The following CYP2S1 variants were observed in gnomAD, a reference collection of about 807,000 sequenced individuals.
CYP2S1 encodes cytochrome P450 2S1.
Under a neutral mutation model 43.5 loss-of-function variants are expected in CYP2S1, and 32 were observed. The ratio of observed to expected loss-of-function variants is 0.74; its 90% CI spans 0.56 to 0.99. The LOEUF (loss-of-function observed/expected upper bound fraction) is 0.99, where lower values mean the gene tolerates loss of function less well. Among genes scored for constraint, CYP2S1 ranks in the 50% least tolerant of loss-of-function variants. The probability of loss-of-function intolerance (pLI) is 0.00; values close to 1 mark genes in which losing one functional copy is unlikely to be tolerated. For synonymous variants in CYP2S1, 283 were observed against 302.9 expected (o/e 0.93, Z 0.68); for missense variants, 575 against 673.9 (o/e 0.85, Z 1.62).
intron 6 of CYP2S1, among the ~76,000 whole-genome samples, chr19:41,202,208 G>A (rs752051758): frequency 5.9e-5 from 9 of 152,030 alleles, no homozygotes; most frequent in Admixed American, 2.6e-4. Context: ...GGCTGGTCCC[G>A]AACTCCTGAC....
intron 1 of CYP2S1, chr19:41,193,773 C>G (rs1203217783): frequency 1.6e-5 from 4 of 251,462 alleles, no homozygotes; most frequent in Non-Finnish European, 2.9e-5. Flanking sequence ...GCTGATGCAG[C>G]TGGGCTTGTC....
chr19:41,198,049 TA>T lies in CYP2S1; in HGVS notation c.493+122del. On this transcript the variant is annotated intron_variant, in intron 3 of 8. Coordinates refer to ENST00000310054, the MANE Select transcript of CYP2S1 (RefSeq NM_030622.8). The surrounding 1 kb of genome is among the most constrained non-coding windows in gnomAD (Gnocchi z 4.9). ...GGGCAGGAGGGGAAGCCTTGAACTCTAGGGCTGGCCTGGGGGTTCTGTTCAC... is the reference window on the plus strand; with the variant it reads ...GGGCAGGAGGGGAAGCCTTGAACTCTGGGCTGGCCTGGGGGTTCTGTTCAC... 2.2e-6 allele frequency: 3 copies of T among 1,385,432 alleles called. No homozygotes were observed. Among genetic ancestry groups the T allele is most frequent in the Non-Finnish European group, 2.9e-6 (3 of 1,046,882 alleles). The allele number at this position is 1,385,432 out of a possible 1,614,324, so 85.8% of individuals were successfully genotyped here.
intron 5 of CYP2S1, among the ~76,000 whole-genome samples, chr19:41,200,566 G>A (rs1410903322): frequency 6.6e-6 from 1 of 152,090 alleles, no homozygotes; most frequent in Admixed American, 6.6e-5. Flanking sequence ...TAGAGATGGA[G>A]TTTCATCGTG....
Position 41,198,983 on chromosome 19 carries a change from C to G in CYP2S1, c.834+95C>G. Reference sequence around the variant, plus strand: ...CCCTGGGGACCTCAATTGGGTTCCTCTCTCTTTCTCTCTCTGCATGTCTCT... The same window carrying G: ...CCCTGGGGACCTCAATTGGGTTCCTGTCTCTTTCTCTCTCTGCATGTCTCT... On this transcript the variant is annotated intron_variant, in intron 5 of 8. Coordinates refer to ENST00000310054, the MANE Select transcript of CYP2S1 (RefSeq NM_030622.8). The surrounding 1 kb of genome is among the most constrained non-coding windows in gnomAD (Gnocchi z 4.9). 7.3e-7 allele frequency: 1 copy of G among 1,368,810 alleles called. No homozygotes were observed. The highest frequency in any genetic ancestry group is 9.8e-7 in the Non-Finnish European group (1 of 1,022,082). The allele number at this position is 1,368,810 out of a possible 1,614,324, so 84.8% of individuals were successfully genotyped here.
At chr19:41,193,509 G>A in intron 1 of CYP2S1, 68 bp downstream of exon 1, 1 of 1,387,234 alleles carries the variant, frequency 7.2e-7, no homozygotes, top group Non-Finnish European at 9.4e-7. Flanking sequence ...CGAGTGCCAG[G>A]GTGAGGGGCT....
chr19:41,203,325 G>A lies in CYP2S1; in HGVS notation c.977-125G>A, dbSNP rs1345217106. The A allele has an allele frequency of 3.9e-6, 4 of 1,036,622 alleles. No individual in the cohort carries two copies. In the African/African-American group the frequency reaches 5.0e-5, roughly 13 times the overall value. 64.2% of individuals were successfully genotyped at this position (1,036,622 alleles called of 1,614,324 possible). ...GTGGTCTTTGGGCTCAGTGAGGGCT[G>A]GGGGACCACTCCTCCCCACCTGTCA... On this transcript the variant is annotated intron_variant, in intron 6 of 8. Coordinates refer to ENST00000310054, the MANE Select transcript of CYP2S1 (RefSeq NM_030622.8).
Position 41,194,098 on chromosome 19 carries a change from G to A in CYP2S1, c.178-446G>A, listed in dbSNP as rs539708788. ...AGTTTCCCATTCAAAAGGATTCTGG[G>A]TGACTTCAAGGACGTAGAAAAAAGG... On this transcript the variant is annotated intron_variant, in intron 1 of 8. Coordinates refer to ENST00000310054, the MANE Select transcript of CYP2S1 (RefSeq NM_030622.8). 3.9e-5 allele frequency among the ~76,000 whole-genome samples: 6 copies of A among 152,176 alleles called. No homozygotes were observed. In the East Asian group the frequency reaches 1.2e-3, roughly 30 times the overall value.
chr19:41,206,115 C>A lies in CYP2S1; in HGVS notation c.1306+16C>A, dbSNP rs74969383. The A allele has an allele frequency of 1.2e-6, 2 of 1,612,904 alleles. No individual in the cohort carries two copies. Among genetic ancestry groups the A allele is most frequent in the African/African-American group, 2.7e-5 (2 of 74,844 alleles). ...TTCTCCTTAGGTATCTGCTGCAGCC[C>A]TGGGTATCACAAGCAGGTGCTGGCG... On this transcript the variant is annotated intron_variant, in intron 8 of 8. Transcript: ENST00000310054.
intron 2 of CYP2S1, 71 bp from the exon 3 acceptor site, chr19:41,197,708 A>G: frequency 6.3e-7 from 1 of 1,576,990 alleles, no homozygotes; most frequent in South Asian, 1.2e-5. Context: ...TCAAAAAAAA[A>G]AAGAAAGAAA....
In CYP2S1 at chr19:41,205,061, A is replaced by G. The variant is rs73548770; in HGVS notation, c.1165-897A>G. Among the ~76,000 whole-genome samples the G allele has an allele frequency of 5.5e-3, 839 of 152,304 alleles. 12 individuals carry two copies. The highest frequency in any genetic ancestry group is 0.019 in the African/African-American group (809 of 41,572). Reference sequence around the variant, plus strand: ...CAACTCTTGGGAACCGGTCCTGTGTACCAGGCAGCAACAATTTAATGATGA... The same window carrying G: ...CAACTCTTGGGAACCGGTCCTGTGTGCCAGGCAGCAACAATTTAATGATGA... On this transcript the variant is annotated intron_variant, in intron 7 of 8. Transcript: ENST00000310054.
In CYP2S1 at chr19:41,198,926, C is replaced by T. The variant is rs768130911; in HGVS notation, c.834+38C>T. The T allele has an allele frequency of 1.0e-5, 16 of 1,573,574 alleles. No individual in the cohort carries two copies. Among genetic ancestry groups the T allele is most frequent in the Admixed American group, 9.0e-5 (5 of 55,678 alleles). ...TGCAGGGACCCCCTCTCTGAATGGG[C>T]GTGGTGACCTGGCAGGTCCCCAGCC... is the stretch of plus-strand genomic sequence containing the variant. On this transcript the variant is annotated intron_variant, in intron 5 of 8. Transcript: ENST00000310054. The surrounding 1 kb of genome is among the most constrained non-coding windows in gnomAD (Gnocchi z 4.9).
Position 41,206,644 on chromosome 19 carries a change from T to C in CYP2S1, c.*156T>C, listed in dbSNP as rs752620409. On this transcript the variant is annotated 3_prime_UTR_variant, in exon 9 of 9. Transcript: ENST00000310054. ...GGAGTCTGTCCCACGGCCCACACGC[T>C]CACTTGACTCATGCTGCTAAGATGC... is the stretch of plus-strand genomic sequence containing the variant. The C allele has an allele frequency of 1.1e-6, 1 of 925,808 alleles. No individual in the cohort carries two copies. Among genetic ancestry groups the C allele is most frequent in the Non-Finnish European group, 1.8e-6 (1 of 564,336 alleles). The allele number at this position is 925,808 out of a possible 1,614,324, so 57.3% of individuals were successfully genotyped here. A position where few individuals can be genotyped will look rare whatever the true frequency, so the allele number is the denominator to read the frequency against.
rs1222701434 is a variant in CYP2S1, at chr19:41,193,378, G to T, written c.114G>T (p.Pro38=). 4 of 1,531,486 alleles carry T rather than the reference G, an allele frequency of 2.6e-6. No homozygotes were observed. Among genetic ancestry groups the T allele is most frequent in the Non-Finnish European group, 1.8e-6 (2 of 1,137,992 alleles). The allele number at this position is 1,531,486 out of a possible 1,614,324, so 94.9% of individuals were successfully genotyped here. A position where few individuals can be genotyped will look rare whatever the true frequency, so the allele number is the denominator to read the frequency against. Residue 38 remains proline (P), a synonymous_variant, in exon 1 of 9, where the codon CCG becomes CCT. Transcript: ENST00000310054. ...GCCACCTGCCCCCCGGGCCCACGCC[G>T]CTACCACTGCTGGGAAACCTCCTGC... ...ARGHLPPGPT[P]LPLLGNLLQL... is the part of the protein sequence containing the mutation.
Position 41,198,905 on chromosome 19 carries a change from G to A in CYP2S1, c.834+17G>A, listed in dbSNP as rs1462905857. ...ATGGCACAGGTGTGGGAAGGGTGCA[G>A]GGACCCCCTCTCTGAATGGGCGTGG... is the stretch of plus-strand genomic sequence containing the variant. On this transcript the variant is annotated intron_variant, in intron 5 of 8. Transcript: ENST00000310054. This position sits in a 1 kb window ranked among gnomAD's most constrained non-coding sequence, Gnocchi z 4.9. 6.3e-7 allele frequency: 1 copy of A among 1,595,128 alleles called. No homozygotes were observed. The highest frequency in any genetic ancestry group is 1.7e-5 in the Admixed American group (1 of 58,922).
At chr19:41,201,942 CTT>C (rs1416746426) in intron 6 of CYP2S1, among the ~76,000 whole-genome samples, 1 of 152,004 alleles carries the variant, frequency 6.6e-6, no homozygotes, top group African/African-American at 2.4e-5. Context: ...AATGCAATGA[CTT>C]TGAGCAGGGG....
rs776677718 is a variant in CYP2S1, at chr19:41,206,405, G to A, written c.1432G>A (p.Val478Ile). The A allele has an allele frequency of 4.0e-5, 64 of 1,613,976 alleles. No homozygotes were observed. Among genetic ancestry groups the A allele is most frequent in the African/African-American group, 9.3e-5 (7 of 74,890 alleles). The change falls in exon 9 of 9, where the codon GTC becomes ATC. Residue 478 changes from valine to isoleucine, a missense_variant. Physicochemically the swap from Val to Ile is conservative, Grantham distance 29. Around this residue, in one of 2 missense-constraint regions of CYP2S1, gnomAD observed 222 missense variants for 306.3 expected, o/e 0.72. Transcript: ENST00000310054. The part of the protein sequence containing the change: ...PPDTLSLKPT[V>I]SGLFNIPPAF... ...GGACACCCTGAGCCTCAAGCCCACC[G>A]TCAGTGGCCTTTTCAACATTCCCCC...
chr19:41,206,130 A>T, intron 8 of CYP2S1, 31 bp downstream of exon 8: 1 of 1,611,426 alleles, frequency 6.2e-7, no homozygotes, highest in Non-Finnish European at 8.5e-7. Flanking sequence ...TATCACAAGC[A>T]GGTGCTGGCG....
chr19:41,193,532 T>G, intron 1 of CYP2S1, 91 bp downstream of exon 1: 1 of 1,366,094 alleles, frequency 7.3e-7, no homozygotes, highest in Non-Finnish European at 9.4e-7. Flanking sequence ...TCGGGTATCC[T>G]AGGGAGGAGG....
At chr19:41,204,975 A>G (rs1375137478) in intron 7 of CYP2S1, among the ~76,000 whole-genome samples, 1 of 152,072 alleles carries the variant, frequency 6.6e-6, no homozygotes, top group Non-Finnish European at 1.5e-5. Context: ...CCTCTACATT[A>G]GAAACAATAA....
Sources: allele counts gnomAD v4.1 joint callset (sites outside exome capture counted in the v4.1 genomes callset), GRCh38; gene constraint gnomAD v4.1.1; regional missense constraint gnomAD v4.1.1; non-coding constraint Gnocchi (gnomAD v3.1); transcripts MANE v1.5; gene names NCBI Gene and HGNC (gene_info 2026-07-23, HGNC 2026-07-21).